Variants in SPIN1 observed in about 807,000 individuals in gnomAD.
SPIN1 encodes the protein spindlin-1.
Under a neutral mutation model 26.0 loss-of-function variants are expected in SPIN1, and 3 were observed. That is an observed-to-expected ratio of 0.12 (90% confidence interval 0.05 to 0.30). SPIN1 has a LOEUF of 0.30. Ranked by LOEUF, SPIN1 falls within the 10% of genes least tolerant of loss-of-function variation. SPIN1 has a pLI of 1.00. For missense variants in SPIN1, 126 were observed against 333.4 expected, an observed-to-expected ratio of 0.38 and a Z score of 4.84; for synonymous variants, 101 against 116.5, an observed-to-expected ratio of 0.87 and a Z score of 0.86.
At chr9:88,397,879 C>A (rs994017631) in intron 1 of SPIN1, among the ~76,000 whole-genome samples, 1 of 151,844 alleles carries the variant, frequency 6.6e-6, no homozygotes, top group Non-Finnish European at 1.5e-5. Flanking sequence ...CCTCCTCTGC[C>A]TCCCAAAGTG....
intron 1 of SPIN1, among the ~76,000 whole-genome samples, chr9:88,399,592 T>TA (rs923318795): frequency 6.6e-6 from 1 of 151,686 alleles, no homozygotes; most frequent in African/African-American, 2.4e-5. Context: ...GAAGGTGGAG[T>TA]GGATGCAGCT....
intron 2 of SPIN1, among the ~76,000 whole-genome samples, chr9:88,441,000 G>C (rs529752593): frequency 6.6e-6 from 1 of 151,392 alleles, no homozygotes; most frequent in Non-Finnish European, 1.5e-5. Flanking sequence ...GTAGTGCCAC[G>C]TACTTTATGA....
chr9:88,462,432 A>C (rs1056645234), intron 3 of SPIN1, 64 bp from the exon 4 acceptor site: 6 of 1,563,120 alleles, frequency 3.8e-6, no homozygotes, highest in East Asian at 2.3e-5. Context: ...GCCAGCGGTT[A>C]TGTTAGATCT....
rs1355141421 is a variant in SPIN1, at chr9:88,478,056, TAG to T, written c.*2780_*2781del. On this transcript the variant is annotated 3_prime_UTR_variant, in exon 6 of 6. Coordinates refer to ENST00000375859, the MANE Select transcript of SPIN1 (RefSeq NM_006717.3). ...GCTTACTGTGCCGTTTTAGTGGTTT[TAG>T]GATAAAAATGCACTGGTGAAGCAAA... 6.6e-6 allele frequency: 1 copy of T among 152,198 alleles called. No individual in the cohort carries two copies. The highest frequency in any genetic ancestry group is 1.9e-4 in the East Asian group (1 of 5,204). 9.4% of individuals were successfully genotyped at this position (152,198 alleles called of 1,614,324 possible).
chr9:88,424,727 T>C lies in SPIN1; in HGVS notation c.-158-1655T>C, dbSNP rs376937585. Among the ~76,000 whole-genome samples, 9 of 152,286 alleles carry C rather than the reference T, an allele frequency of 5.9e-5. No homozygotes were observed. In the East Asian group the frequency reaches 7.7e-4, roughly 13 times the overall value. ...AAGGTTTTGGGATTATTGCAGTTAT[T>C]GTTGATAAAAAGGTCTGTGTTGAGA... On this transcript the variant is annotated intron_variant, in intron 1 of 5. Coordinates refer to ENST00000375859, the MANE Select transcript of SPIN1 (RefSeq NM_006717.3).
intron 4 of SPIN1, among the ~76,000 whole-genome samples, chr9:88,464,999 T>G (rs1453829242): frequency 6.6e-6 from 1 of 152,238 alleles, no homozygotes; most frequent in Non-Finnish European, 1.5e-5. Flanking sequence ...AGAAGTGGAA[T>G]CACACAGTAT....
In SPIN1 at chr9:88,475,517, A is replaced by G. The variant is rs1161026700; in HGVS notation, c.*240A>G. On this transcript the variant is annotated 3_prime_UTR_variant, in exon 6 of 6. Coordinates refer to ENST00000375859, the MANE Select transcript of SPIN1 (RefSeq NM_006717.3). ...TCTATTTCGAGGGGAGTTACAGGCA[A>G]GTTTGGTAAAAGTTAAGCTAGTATC... is the stretch of plus-strand genomic sequence containing the variant. The G allele has an allele frequency of 2.9e-6, 1 of 343,780 alleles. No homozygotes were observed. Among genetic ancestry groups the G allele is most frequent in the Non-Finnish European group, 5.3e-6 (1 of 190,312 alleles). The allele number at this position is 343,780 out of a possible 1,614,324, so 21.3% of individuals were successfully genotyped here.
intron 2 of SPIN1, among the ~76,000 whole-genome samples, chr9:88,448,354 G>GT (rs886942483): frequency 7.1e-4 from 107 of 151,116 alleles, no homozygotes; most frequent in South Asian, 1.7e-3. Context: ...AAGTTTTTTT[G>GT]TTTTTTTTGT....
intron 1 of SPIN1, among the ~76,000 whole-genome samples, chr9:88,423,081 T>C (rs1252809073): frequency 6.6e-6 from 1 of 152,204 alleles, no homozygotes; most frequent in Non-Finnish European, 1.5e-5. Flanking sequence ...CTTCCCCCAC[T>C]GCGACTCTTC....
intron 1 of SPIN1, among the ~76,000 whole-genome samples, chr9:88,395,937 C>T (rs904735126): frequency 6.6e-6 from 1 of 151,968 alleles, no homozygotes; most frequent in Admixed American, 6.6e-5. Context: ...ATCCCAGCTA[C>T]TCGGGAGGCT....
chr9:88,470,230 A>T (rs529082963), intron 5 of SPIN1, among the ~76,000 whole-genome samples: 1 of 152,302 alleles, frequency 6.6e-6, no homozygotes, highest in East Asian at 1.9e-4. Context: ...AGCACATCTG[A>T]GTTGTTTCCC....
intron 5 of SPIN1, among the ~76,000 whole-genome samples, chr9:88,470,601 C>G (rs1414448374): frequency 1.4e-5 from 2 of 143,210 alleles, no homozygotes; most frequent in African/African-American, 5.4e-5. Context: ...GGCCCCCCCC[C>G]TTTTTTTTTT....
chr9:88,455,413 G>A (rs117129774), intron 3 of SPIN1, among the ~76,000 whole-genome samples: 3,592 of 152,274 alleles, frequency 0.024, 75 homozygotes, highest in South Asian at 0.052. Context: ...CTGAGATCAC[G>A]CCATTGCACT....
At chr9:88,397,740 G>T (rs1827097453) in intron 1 of SPIN1, among the ~76,000 whole-genome samples, 1 of 151,652 alleles carries the variant, frequency 6.6e-6, no homozygotes, top group African/African-American at 2.4e-5. Context: ...TCACTCCTCA[G>T]TCTCCCAAGT....
intron 1 of SPIN1, among the ~76,000 whole-genome samples, chr9:88,424,749 G>A (rs1272799489): frequency 6.6e-6 from 1 of 152,182 alleles, no homozygotes; most frequent in Non-Finnish European, 1.5e-5. Context: ...GGTCTGTGTT[G>A]AGACTGTGAG....
intron 1 of SPIN1, among the ~76,000 whole-genome samples, chr9:88,423,099 T>C (rs1827703110): frequency 6.6e-6 from 1 of 152,214 alleles, no homozygotes; most frequent in African/African-American, 2.4e-5. Context: ...TTCCTTCTAC[T>C]CCTGTCTTAA....
intron 3 of SPIN1, among the ~76,000 whole-genome samples, chr9:88,450,573 A>ATTT: frequency 6.6e-6 from 1 of 152,302 alleles, no homozygotes; most frequent in East Asian, 1.9e-4. Flanking sequence ...TGATTCCCTA[A>ATTT]AGCATAAGAA....
chr9:88,459,289 C>A (rs1185264598), intron 3 of SPIN1, among the ~76,000 whole-genome samples: 1 of 152,148 alleles, frequency 6.6e-6, no homozygotes, highest in Non-Finnish European at 1.5e-5. Flanking sequence ...ACAAAGGATT[C>A]TTGTATTCTA....
rs370107686 is a variant in SPIN1, at chr9:88,443,179, C to T, written c.53-5762C>T. On this transcript the variant is annotated intron_variant, in intron 2 of 5. Coordinates refer to ENST00000375859, the MANE Select transcript of SPIN1 (RefSeq NM_006717.3). ...TGCTTTACATTGATTCTATTCCTTT[C>T]TTCCTTTACCTACTTGCATTTCCAT... 1.5e-4 allele frequency among the ~76,000 whole-genome samples: 22 copies of T among 149,268 alleles called. 2 individuals are homozygous for T. The highest frequency in any genetic ancestry group is 4.9e-4 in the African/African-American group (20 of 40,408).
Sources: allele counts gnomAD v4.1 joint callset (sites outside exome capture counted in the v4.1 genomes callset), GRCh38; gene constraint gnomAD v4.1.1; transcripts MANE v1.5; gene names NCBI Gene and HGNC (gene_info 2026-07-23, HGNC 2026-07-21).